The following ANKRD12 variants were observed in gnomAD, a reference collection of about 807,000 sequenced individuals.
The protein encoded by ANKRD12 is ankyrin repeat domain 12.
A neutral mutation model predicts 183.4 loss-of-function variants in ANKRD12; 85 were observed. The ratio of observed to expected loss-of-function variants is 0.46; its 90% CI spans 0.39 to 0.56. The LOEUF (loss-of-function observed/expected upper bound fraction) is 0.56. Among genes scored for constraint, ANKRD12 ranks in the 20% least tolerant of loss-of-function variants. The pLI is 0.00. For missense variants in ANKRD12, 2,405 were observed against 2,357.1 expected, an observed-to-expected ratio of 1.02 and a Z score of -0.42; for synonymous variants, 914 against 800.2, an observed-to-expected ratio of 1.14 and a Z score of -2.40.
intron 8 of ANKRD12, among the ~76,000 whole-genome samples, chr18:9,252,802 A>G (rs2038378286): frequency 6.6e-6 from 1 of 152,222 alleles, no homozygotes; most frequent in Non-Finnish European, 1.5e-5. Context: ...CGTTTCTACC[A>G]AAAATACAAA....
chr18:9,183,861 A>G (rs760813105), intron 2 of ANKRD12, among the ~76,000 whole-genome samples: 7 of 151,938 alleles, frequency 4.6e-5, no homozygotes, highest in Non-Finnish European at 8.8e-5. Context: ...TTTATTGTAT[A>G]TTTCATGTCT....
rs781334987 is a variant in ANKRD12, at chr18:9,255,178, T to C, written c.1911T>C (p.Asp637=). ...EDHSPTFENS[D]CTLKKMDKEG... ...ATAGTCCAACATTTGAAAATTCAGA[T>C]TGCACACTGAAAAAAATGGATAAAG... is the stretch of plus-strand genomic sequence containing the variant. The change falls in exon 9 of 13, where the codon GAT becomes GAC. Residue 637 remains aspartate (D), a synonymous_variant. Coordinates refer to ENST00000262126, the MANE Select transcript of ANKRD12 (RefSeq NM_015208.5). The C allele has an allele frequency of 6.3e-7, 1 of 1,584,154 alleles. No homozygotes were observed. Among genetic ancestry groups the C allele is most frequent in the Non-Finnish European group, 8.5e-7 (1 of 1,171,246 alleles).
At chr18:9,181,305 CAA>C (rs1295943461) in intron 1 of ANKRD12, among the ~76,000 whole-genome samples, 5 of 152,086 alleles carry the variant, frequency 3.3e-5, no homozygotes, top group African/African-American at 1.2e-4. Flanking sequence ...TCTATCAAAA[CAA>C]AAGAAATTTT....
chr18:9,256,181 A>G lies in ANKRD12; in HGVS notation c.2914A>G (p.Ile972Val), dbSNP rs200859506. 1.5e-5 allele frequency: 23 copies of G among 1,564,002 alleles called. No homozygotes were observed. The highest frequency in any genetic ancestry group is 1.1e-4 in the East Asian group (5 of 44,118). The change falls in exon 9 of 13, where the codon ATA (isoleucine) becomes GTA (valine). Residue 972 changes from isoleucine (I) to valine (V), a missense_variant. Ile to Val is a conservative substitution (Grantham distance 29, BLOSUM62 3). Around this residue, in one of 7 missense-constraint regions of ANKRD12, gnomAD observed 1,983 missense variants for 1,725.9 expected, o/e 1.15. Coordinates refer to ENST00000262126, the MANE Select transcript of ANKRD12 (RefSeq NM_015208.5). ...EKSRDKESIN[I>V]TNSKHIQEEK... The stretch of plus-strand genomic sequence containing the variant: ...ATCTAGAGATAAAGAAAGTATAAAT[A>G]TAACTAACTCCAAACACATACAGGA...
At chr18:9,143,484 G>A (rs1295298607) in intron 1 of ANKRD12, among the ~76,000 whole-genome samples, 1 of 152,084 alleles carries the variant, frequency 6.6e-6, no homozygotes, top group Non-Finnish European at 1.5e-5. Flanking sequence ...TTTTTAAGAC[G>A]GAGTTTCACA....
rs188490237 is a variant in ANKRD12 at position 9,149,044 on chromosome 18, T to A, written c.-52+12079T>A. Among the ~76,000 whole-genome samples the A allele has an allele frequency of 2.6e-5, 4 of 152,262 alleles. No homozygotes were observed. In the East Asian group the frequency reaches 7.7e-4, roughly 29 times the overall value. ...CCAGCCCCATCTATATCTACCTGCC[T>A]CAGAGTCATCCTCAACACTCTATTT... On this transcript the variant is annotated intron_variant, in intron 1 of 12. Transcript: ENST00000262126.
At chr18:9,152,092 C>T (rs2078703070) in intron 1 of ANKRD12, among the ~76,000 whole-genome samples, 1 of 152,178 alleles carries the variant, frequency 6.6e-6, no homozygotes, top group Non-Finnish European at 1.5e-5. Flanking sequence ...TTGGACTTTG[C>T]TCTCAGTTGT....
At chr18:9,269,194 C>T (rs1160247994) in intron 10 of ANKRD12, among the ~76,000 whole-genome samples, 1 of 152,138 alleles carries the variant, frequency 6.6e-6, no homozygotes, top group East Asian at 1.9e-4. Context: ...GGCCATACTG[C>T]CCAAGGTAAT....
intron 8 of ANKRD12, among the ~76,000 whole-genome samples, chr18:9,230,935 T>C (rs949843039): frequency 6.6e-6 from 1 of 152,170 alleles, no homozygotes; most frequent in Non-Finnish European, 1.5e-5. Flanking sequence ...CCCAAAGTGC[T>C]AGGATTACAG....
At chr18:9,144,411 T>C (rs1474888693) in intron 1 of ANKRD12, among the ~76,000 whole-genome samples, 1 of 152,196 alleles carries the variant, frequency 6.6e-6, no homozygotes, top group African/African-American at 2.4e-5. Context: ...ACTACCTTAT[T>C]GGGGTGATTA....
chr18:9,161,083 C>G (rs1257920225), intron 1 of ANKRD12, among the ~76,000 whole-genome samples: 1 of 152,000 alleles, frequency 6.6e-6, no homozygotes, highest in Non-Finnish European at 1.5e-5. Flanking sequence ...AAGCAATCCT[C>G]TTGCCTTGGC....
intron 5 of ANKRD12, among the ~76,000 whole-genome samples, chr18:9,209,217 AAG>A (rs2035646503): frequency 1.3e-5 from 2 of 152,352 alleles, no homozygotes; most frequent in South Asian, 4.1e-4. Context: ...CAAAAACAAA[AAG>A]GGAACAAACC....
At chr18:9,224,201 T>A (rs1221489275) in intron 8 of ANKRD12, among the ~76,000 whole-genome samples, 2 of 152,000 alleles carry the variant, frequency 1.3e-5, no homozygotes, top group Non-Finnish European at 1.5e-5. Flanking sequence ...AGTTATAAAA[T>A]TTTTTTCAGA....
chr18:9,170,409 T>C (rs1393877337), intron 1 of ANKRD12, among the ~76,000 whole-genome samples: 1 of 152,188 alleles, frequency 6.6e-6, no homozygotes, highest in Non-Finnish European at 1.5e-5. Context: ...GTTTTGTTTG[T>C]TTCTTTTTAT....
chr18:9,277,346 T>A (rs1334328304), intron 11 of ANKRD12, among the ~76,000 whole-genome samples: 4 of 146,610 alleles, frequency 2.7e-5, no homozygotes, highest in Non-Finnish European at 4.5e-5. Flanking sequence ...TTTTTTTTTT[T>A]AAGCAGAGTC....
chr18:9,201,308 T>G (rs1344291470), intron 3 of ANKRD12, among the ~76,000 whole-genome samples: 4 of 152,244 alleles, frequency 2.6e-5, no homozygotes, highest in African/African-American at 9.6e-5. Flanking sequence ...TCATACTTAA[T>G]TTCTTTCCTA....
chr18:9,142,573 A>T (rs1196876251), intron 1 of ANKRD12, among the ~76,000 whole-genome samples: 1 of 152,154 alleles, frequency 6.6e-6, no homozygotes, highest in Admixed American at 6.5e-5. Context: ...AACATTCCTT[A>T]TACAGCTTTA....
chr18:9,140,780 T>C (rs1371395339), intron 1 of ANKRD12, among the ~76,000 whole-genome samples: 1 of 152,206 alleles, frequency 6.6e-6, no homozygotes, highest in Non-Finnish European at 1.5e-5. Context: ...AACCTCAGTA[T>C]TGTAGTATTA....
intron 1 of ANKRD12, among the ~76,000 whole-genome samples, chr18:9,138,561 C>A (rs965487340): frequency 6.6e-6 from 1 of 152,158 alleles, no homozygotes; most frequent in East Asian, 1.9e-4. Context: ...AACATATGCT[C>A]AAGTAGGCCG....
Sources: allele counts gnomAD v4.1 joint callset (sites outside exome capture counted in the v4.1 genomes callset), GRCh38; gene constraint gnomAD v4.1.1; regional missense constraint gnomAD v4.1.1; transcripts MANE v1.5; gene names NCBI Gene and HGNC (gene_info 2026-07-23, HGNC 2026-07-21).